The following THEM4 variants were observed in gnomAD, a reference collection of about 807,000 sequenced individuals.
THEM4 encodes the protein acyl-coenzyme A thioesterase THEM4.
THEM4 carries 22 observed loss-of-function variants against 25.0 expected under a neutral mutation model. That is an observed-to-expected ratio of 0.88 (90% CI 0.63 to 1.26). The LOEUF (loss-of-function observed/expected upper bound fraction) is 1.26. THEM4 is among the 50% of genes most tolerant of loss of function. The probability of loss-of-function intolerance (pLI) is 0.00; values close to 1 mark genes in which losing one functional copy is unlikely to be tolerated. For synonymous variants in THEM4, 113 were observed against 105.6 expected, an observed-to-expected ratio of 1.07 and a Z score of -0.43; for missense variants, 286 against 300.3, an observed-to-expected ratio of 0.95 and a Z score of 0.35.
At chr1:151,899,415 T>G (rs1572082032) in intron 1 of THEM4, among the ~76,000 whole-genome samples, 1 of 145,438 alleles carries the variant, frequency 6.9e-6, no homozygotes, top group South Asian at 2.2e-4. Flanking sequence ...TGCTTGAAGC[T>G]GGGAGGTGGA....
At chr1:151,894,707 A>C in intron 2 of THEM4, 1 of 544,604 alleles carries the variant, frequency 1.8e-6, no homozygotes, top group Non-Finnish European at 3.2e-6. Flanking sequence ...ATTAGATGAC[A>C]GCCTCAAGAC....
chr1:151,909,293 G>A, intron 1 of THEM4, 67 bp downstream of exon 1: 1 of 1,318,158 alleles, frequency 7.6e-7, no homozygotes, highest in Non-Finnish European at 1.0e-6. Flanking sequence ...ACAATCGAAG[G>A]CTCTGTTACC....
At chr1:151,894,739 G>C (rs111422655) in intron 2 of THEM4, 6 of 589,508 alleles carry the variant, frequency 1.0e-5, no homozygotes, top group African/African-American at 3.7e-5. Flanking sequence ...GAGGTTGTAG[G>C]AGGGTGGAAG....
chr1:151,894,960 T>C, intron 2 of THEM4, 48 bp downstream of exon 2: 1 of 1,569,732 alleles, frequency 6.4e-7, no homozygotes, highest in Non-Finnish European at 8.8e-7. Context: ...TGTTCTTAGC[T>C]TTATATTTGA....
chr1:151,872,153 T>G lies in THEM4; in HGVS notation c.*2735A>C, dbSNP rs60091626. On this transcript the variant is annotated 3_prime_UTR_variant, in exon 6 of 6. Coordinates refer to ENST00000368814, the MANE Select transcript of THEM4 (RefSeq NM_053055.5). The stretch of plus-strand genomic sequence containing the variant: ...GCTTCACCCCTGCAGTGCCCCCATG[T>G]CTGCTGGGCCCTTGCAACTTGAGAA... Among the ~76,000 whole-genome samples the G allele has an allele frequency of 0.031, 4,740 of 152,192 alleles. 261 individuals carry two copies. The highest frequency in any genetic ancestry group is 0.11 in the African/African-American group (4,518 of 41,494).
At chr1:151,876,020 T>A (rs949225177) in intron 5 of THEM4, among the ~76,000 whole-genome samples, 4 of 152,142 alleles carry the variant, frequency 2.6e-5, no homozygotes, top group African/African-American at 9.7e-5. Context: ...AAGAGAGACA[T>A]TCATTGTGGG....
At position 151,887,388 on chromosome 1, in the gene THEM4, C is replaced by G. The variant is rs182404677; in HGVS notation, c.557+885G>C. Among the ~76,000 whole-genome samples the G allele has an allele frequency of 2.6e-5, 4 of 151,650 alleles. No homozygotes were observed. In the East Asian group the frequency reaches 7.7e-4, roughly 29 times the overall value. On this transcript the variant is annotated intron_variant, in intron 4 of 5. Coordinates refer to ENST00000368814, the MANE Select transcript of THEM4 (RefSeq NM_053055.5). ...GATGTTGCAATGAGCTGAGATCATG[C>G]CACCACACTCCAGCCTGAGCAATAA...
chr1:151,877,280 A>G (rs1653705963), intron 4 of THEM4, among the ~76,000 whole-genome samples, 155 bp from the exon 5 acceptor site: 1 of 152,158 alleles, frequency 6.6e-6, no homozygotes, highest in African/African-American at 2.4e-5. Flanking sequence ...AAGGACTCTG[A>G]CACCAACAGC....
In THEM4 at chr1:151,890,310, A is replaced by G. The variant is rs139184359; in HGVS notation, c.287-937T>C. 50 of 391,422 alleles carry G rather than the reference A, an allele frequency of 1.3e-4. No homozygotes were observed. In the East Asian group the frequency reaches 2.4e-3, roughly 19 times the overall value. The allele number at this position is 391,422 out of a possible 1,614,324, so 24.2% of individuals were successfully genotyped here. A position where few individuals can be genotyped will look rare whatever the true frequency, so the allele number is the denominator to read the frequency against. ...GACACAGTTTTTTTTCACTTACACA[A>G]TTGTGAGCAAGTTGGGGGAACTGGA... On this transcript the variant is annotated intron_variant, in intron 2 of 5. Coordinates refer to ENST00000368814, the MANE Select transcript of THEM4 (RefSeq NM_053055.5).
chr1:151,906,939 A>C lies in THEM4; in HGVS notation c.99+2421T>G, dbSNP rs538012185. ...GGATGTGGGTGGGGCCAGATAAGAG[A>C]ATAAAAGCAGGCTGCCCAAGCCAGC... On this transcript the variant is annotated intron_variant, in intron 1 of 5. Coordinates refer to ENST00000368814, the MANE Select transcript of THEM4 (RefSeq NM_053055.5). Among the ~76,000 whole-genome samples the C allele has an allele frequency of 5.9e-5, 9 of 152,212 alleles. No homozygotes were observed. In the South Asian group the frequency reaches 1.9e-3, roughly 32 times the overall value.
At chr1:151,892,963 A>G (rs902314) in intron 2 of THEM4, among the ~76,000 whole-genome samples, 135,608 of 152,118 alleles carry the variant, frequency 0.89, 60,563 homozygotes, top group East Asian at 0.92. Flanking sequence ...GTGGTGTCCT[A>G]GAAGTTATGT....
Position 151,873,026 on chromosome 1 carries a change from G to T in THEM4, c.*1862C>A, listed in dbSNP as rs1653589123. Among the ~76,000 whole-genome samples, 1 of 152,156 alleles carries T rather than the reference G, an allele frequency of 6.6e-6. No homozygotes were observed. The highest frequency in any genetic ancestry group is 2.4e-5 in the African/African-American group (1 of 41,436). Reference sequence around the variant, plus strand: ...CATGCCCCTGGGAACAGCATGTCTTGGTGTAAAACCCGATCCTATGTTCGT... The same window carrying T: ...CATGCCCCTGGGAACAGCATGTCTTTGTGTAAAACCCGATCCTATGTTCGT... On this transcript the variant is annotated 3_prime_UTR_variant, in exon 6 of 6. Coordinates refer to ENST00000368814, the MANE Select transcript of THEM4 (RefSeq NM_053055.5).
chr1:151,894,509 T>C (rs1048404122), intron 2 of THEM4, among the ~76,000 whole-genome samples: 10 of 152,214 alleles, frequency 6.6e-5, no homozygotes, highest in Non-Finnish European at 8.8e-5. Context: ...CTAATTTTTC[T>C]ATAAAATTAT....
intron 2 of THEM4, among the ~76,000 whole-genome samples, chr1:151,893,383 C>CAAAAAAAAA (rs5777789): frequency 1.4e-5 from 2 of 139,488 alleles, no homozygotes; most frequent in African/African-American, 2.7e-5. Flanking sequence ...AAACCAAAAA[C>CAAAAAAAAA]AAAAAAAACA....
At chr1:151,884,682 T>G (rs1008484527) in intron 4 of THEM4, among the ~76,000 whole-genome samples, 4 of 28,912 alleles carry the variant, frequency 1.4e-4, no homozygotes, top group East Asian at 3.6e-3. Context: ...CATTTCCTTT[T>G]TTTTGTTTTT....
chr1:151,880,410 G>A (rs542997299), intron 4 of THEM4, among the ~76,000 whole-genome samples: 18 of 152,040 alleles, frequency 1.2e-4, no homozygotes, highest in Admixed American at 2.6e-4. Context: ...TCCAGCAGGC[G>A]GAGGTTGCCA....
intron 1 of THEM4, among the ~76,000 whole-genome samples, chr1:151,901,911 A>T (rs1266535313): frequency 6.6e-6 from 1 of 152,192 alleles, no homozygotes; most frequent in Non-Finnish European, 1.5e-5. Context: ...GTCAAAAATG[A>T]AATCAAGATG....
At position 151,895,120 on chromosome 1, in the gene THEM4, T is replaced by C. The variant is rs1165778938; in HGVS notation, c.174A>G (p.Arg58=). Residue 58 remains arginine (R), a synonymous_variant, in exon 2 of 6, where the codon AGA becomes AGG. Coordinates refer to ENST00000368814, the MANE Select transcript of THEM4 (RefSeq NM_053055.5). ...TCTTCATAAACTGGTCAAAGAGCAG[T>C]CTTAGGTCCTTGTTCCAGCTGGGGT... ...VPNPSWNKDL[R]LLFDQFMKKC... The C allele has an allele frequency of 6.2e-7, 1 of 1,614,012 alleles. No homozygotes were observed. The highest frequency in any genetic ancestry group is 8.5e-7 in the Non-Finnish European group (1 of 1,180,020).
chr1:151,902,971 G>A (rs1654383066), intron 1 of THEM4, among the ~76,000 whole-genome samples: 1 of 152,132 alleles, frequency 6.6e-6, no homozygotes, highest in Admixed American at 6.5e-5. Context: ...CCGGGCAACA[G>A]AGTGAGATTC....
Sources: allele counts gnomAD v4.1 joint callset (sites outside exome capture counted in the v4.1 genomes callset), GRCh38; gene constraint gnomAD v4.1.1; transcripts MANE v1.5; gene names NCBI Gene and HGNC (gene_info 2026-07-23, HGNC 2026-07-21).